WDR70: variants seen among roughly 807,000 people sequenced by gnomAD.
WDR70 encodes the protein WD repeat domain 70, also known as WD repeat-containing protein 70.
Under a neutral mutation model 88.6 loss-of-function variants are expected in WDR70, and 53 were observed. That is an observed-to-expected ratio of 0.60 (90% confidence interval 0.48 to 0.75). The LOEUF is 0.75. Among genes scored for constraint, WDR70 ranks in the 30% least tolerant of loss-of-function variants. The probability of loss-of-function intolerance (pLI) is 0.00; values close to 1 mark genes in which losing one functional copy is unlikely to be tolerated. For synonymous variants in WDR70, 280 were observed against 270.0 expected, an observed-to-expected ratio of 1.04 and a Z score of -0.36; for missense variants, 610 against 823.2, an observed-to-expected ratio of 0.74 and a Z score of 3.17.
intron 13 of WDR70, among the ~76,000 whole-genome samples, chr5:37,711,195 T>TA (rs1199494199): frequency 6.6e-6 from 1 of 152,176 alleles, no homozygotes; most frequent in Non-Finnish European, 1.5e-5. Flanking sequence ...TCACCCCTCT[T>TA]ACTTGGGCAG....
intron 10 of WDR70, among the ~76,000 whole-genome samples, chr5:37,675,374 G>A (rs1360228972): frequency 9.9e-5 from 15 of 152,016 alleles, no homozygotes; most frequent in South Asian, 2.1e-4. Context: ...TAGGTCTAAC[G>A]TTTAAGTCTT....
intron 10 of WDR70, among the ~76,000 whole-genome samples, chr5:37,610,443 A>T (rs1464576590): frequency 1.3e-5 from 2 of 151,896 alleles, no homozygotes; most frequent in Admixed American, 1.3e-4. Context: ...TCAAAAAAAA[A>T]AGTTGGTTTT....
intron 17 of WDR70, among the ~76,000 whole-genome samples, chr5:37,740,296 T>C (rs559826111): frequency 9.2e-5 from 14 of 152,322 alleles, no homozygotes; most frequent in African/African-American, 3.4e-4. Flanking sequence ...ATATTTCTCA[T>C]ATGTGGATTT....
At chr5:37,492,912 A>G (rs1020573281) in intron 8 of WDR70, among the ~76,000 whole-genome samples, 1 of 152,226 alleles carries the variant, frequency 6.6e-6, no homozygotes, top group Non-Finnish European at 1.5e-5. Flanking sequence ...TAATAACTTC[A>G]GAAAGATCAA....
At chr5:37,666,646 A>G (rs935116661) in intron 10 of WDR70, among the ~76,000 whole-genome samples, 3 of 152,186 alleles carry the variant, frequency 2.0e-5, no homozygotes, top group African/African-American at 7.2e-5. Context: ...CTAGCAAGGG[A>G]AGAACAAGGG....
chr5:37,694,284 G>A (rs1205266794), intron 10 of WDR70, among the ~76,000 whole-genome samples: 1 of 152,230 alleles, frequency 6.6e-6, no homozygotes, highest in Admixed American at 6.5e-5. Context: ...GTGGTAGACA[G>A]TGTGGCGATT....
At chr5:37,470,211 A>G (rs544081108) in intron 7 of WDR70, among the ~76,000 whole-genome samples, 10 of 152,126 alleles carry the variant, frequency 6.6e-5, no homozygotes, top group African/African-American at 9.7e-5. Context: ...TATACTTACT[A>G]GTTTATTCTG....
intron 9 of WDR70, among the ~76,000 whole-genome samples, chr5:37,530,033 C>T (rs549958734): frequency 6.6e-6 from 1 of 152,104 alleles, no homozygotes; most frequent in Admixed American, 6.5e-5. Flanking sequence ...AATCATAAAA[C>T]GATGTTGGAT....
intron 7 of WDR70, among the ~76,000 whole-genome samples, chr5:37,461,588 G>T (rs1437090842): frequency 6.6e-6 from 1 of 151,888 alleles, no homozygotes; most frequent in African/African-American, 2.4e-5. Flanking sequence ...GGTTCACGCC[G>T]TTCTCCTGCC....
chr5:37,743,675 G>C (rs540183124), intron 17 of WDR70, among the ~76,000 whole-genome samples: 12 of 152,216 alleles, frequency 7.9e-5, no homozygotes, highest in South Asian at 2.1e-4. Flanking sequence ...TGCCTCTTCA[G>C]GTCTAACCCT....
rs565296829 is a variant in WDR70 at position 37,401,094 on chromosome 5, G to T, written c.492+4524G>T. 6.0e-5 allele frequency among the ~76,000 whole-genome samples: 9 copies of T among 150,652 alleles called. No homozygotes were observed. In the East Asian group the frequency reaches 1.8e-3, roughly 29 times the overall value. On this transcript the variant is annotated intron_variant, in intron 5 of 17. Coordinates refer to ENST00000265107, the MANE Select transcript of WDR70 (RefSeq NM_018034.4). ...GCTCACTACATCCTTGACCTCCTGGGCTTAAGTGATCCTCCCACCTCAGCC... is the reference window on the plus strand; with the variant it reads ...GCTCACTACATCCTTGACCTCCTGGTCTTAAGTGATCCTCCCACCTCAGCC...
chr5:37,422,310 G>A (rs1276964989), intron 5 of WDR70, among the ~76,000 whole-genome samples: 2 of 145,254 alleles, frequency 1.4e-5, no homozygotes, highest in African/African-American at 2.6e-5. Context: ...TTTTTTTTGA[G>A]ACAGAGTCTC....
In WDR70 at chr5:37,704,882, C is replaced by CT. The variant is rs34278678; in HGVS notation, c.1416+1809dup. ...CAATTAGAAGATGACTATCTTGTGT[C>CT]TTTTTTTTTTTTTTAAAGCAGAGGA... On this transcript the variant is annotated intron_variant, in intron 13 of 17. Coordinates refer to ENST00000265107, the MANE Select transcript of WDR70 (RefSeq NM_018034.4). 3.7e-3 allele frequency among the ~76,000 whole-genome samples: 542 copies of CT among 144,722 alleles called. 6 individuals are homozygous for CT. The East Asian group carries it at 0.048, about 13-fold the overall frequency. The allele number at this position is 144,722 out of a possible 152,430, so 94.9% of individuals were successfully genotyped here.
At chr5:37,493,959 C>T (rs1167615846) in intron 8 of WDR70, among the ~76,000 whole-genome samples, 1 of 151,852 alleles carries the variant, frequency 6.6e-6, no homozygotes, top group Non-Finnish European at 1.5e-5. Flanking sequence ...GCTGGGATTA[C>T]AGGTGCCCAC....
chr5:37,681,777 C>A (rs1222743845), intron 10 of WDR70, among the ~76,000 whole-genome samples: 2 of 152,072 alleles, frequency 1.3e-5, no homozygotes, highest in African/African-American at 2.4e-5. Flanking sequence ...GGGGATGAGG[C>A]CTGCTTGATT....
At position 37,640,995 on chromosome 5, in the gene WDR70, G is replaced by A. The variant is rs570515540; in HGVS notation, c.1092+35757G>A. Among the ~76,000 whole-genome samples the A allele has an allele frequency of 3.3e-4, 51 of 152,294 alleles. 1 individual carries two copies. The South Asian group carries it at 9.9e-3, about 30-fold the overall frequency. Reference sequence around the variant, plus strand: ...TAATCGTCAATTCACTTGCTTCCCAGTACTCTATTCATTACAAGAAAACTG... The same window carrying A: ...TAATCGTCAATTCACTTGCTTCCCAATACTCTATTCATTACAAGAAAACTG... On this transcript the variant is annotated intron_variant, in intron 10 of 17. Transcript: ENST00000265107.
intron 11 of WDR70, among the ~76,000 whole-genome samples, chr5:37,698,479 A>G (rs1747047453): frequency 7.1e-6 from 1 of 140,016 alleles, no homozygotes; most frequent in Non-Finnish European, 1.6e-5. Context: ...TAAATATCAC[A>G]TAAGGAAAAG....
At chr5:37,737,877 C>T (rs1748345904) in intron 17 of WDR70, among the ~76,000 whole-genome samples, 1 of 151,904 alleles carries the variant, frequency 6.6e-6, no homozygotes, top group Non-Finnish European at 1.5e-5. Flanking sequence ...TCTTCACAGT[C>T]TTTGAACTCT....
intron 10 of WDR70, among the ~76,000 whole-genome samples, chr5:37,660,784 A>G (rs569848800): frequency 3.3e-5 from 5 of 152,098 alleles, no homozygotes; most frequent in Admixed American, 2.6e-4. Context: ...GTGCTGTCCC[A>G]TATATGTGAC....
Sources: gnomAD v4.1 joint callset for allele counts (sites outside exome capture counted in the v4.1 genomes callset) on GRCh38, gnomAD v4.1.1 for gene constraint, MANE v1.5 for transcripts, NCBI Gene and HGNC (gene_info 2026-07-23, HGNC 2026-07-21) for gene names.